Variants in AFF1 observed in about 807,000 individuals in gnomAD.
The protein encoded by AFF1 is ALF transcription elongation factor 1, also known as AF4/FMR2 family member 1.
Under a neutral mutation model 121.7 loss-of-function variants are expected in AFF1, and 48 were observed. The ratio of observed to expected loss-of-function variants is 0.39; its 90% confidence interval spans 0.31 to 0.50. The LOEUF is 0.50. Among genes scored for constraint, AFF1 ranks in the 20% least tolerant of loss-of-function variants. The pLI, the probability that AFF1 is intolerant of heterozygous loss-of-function variation, is 0.76. For missense variants in AFF1, 1,523 were observed against 1,511.7 expected (o/e 1.01, Z -0.12); for synonymous variants, 613 against 563.0 (o/e 1.09, Z -1.26).
chr4:87,052,182 A>AG (rs1192804182), intron 4 of AFF1, among the ~76,000 whole-genome samples: 1 of 152,124 alleles, frequency 6.6e-6, no homozygotes, highest in Non-Finnish European at 1.5e-5. Flanking sequence ...CCGAGGTGGG[A>AG]GGATCACTCC....
chr4:87,085,176 A>T (rs1211158696), intron 5 of AFF1, among the ~76,000 whole-genome samples: 1 of 152,202 alleles, frequency 6.6e-6, no homozygotes, highest in African/African-American at 2.4e-5. Context: ...TCCTTCTAGA[A>T]CTTAATTCCA....
chr4:87,070,320 G>T (rs1013884394), intron 4 of AFF1, among the ~76,000 whole-genome samples: 4 of 152,028 alleles, frequency 2.6e-5, no homozygotes, highest in Non-Finnish European at 4.4e-5. Context: ...TGTATTTTTA[G>T]TAGAGACTGG....
chr4:87,007,681 C>T (rs1726306858), intron 2 of AFF1, among the ~76,000 whole-genome samples: 1 of 152,140 alleles, frequency 6.6e-6, no homozygotes, highest in Non-Finnish European at 1.5e-5. Context: ...CTTCTTCCCC[C>T]AGAACTGTTA....
At chr4:87,014,644 C>T (rs1465088184) in intron 2 of AFF1, among the ~76,000 whole-genome samples, 1 of 152,170 alleles carries the variant, frequency 6.6e-6, no homozygotes, top group Non-Finnish European at 1.5e-5. Context: ...TGAAGCACAA[C>T]TTAAACTATG....
At chr4:87,073,985 G>A (rs1022110870) in intron 4 of AFF1, among the ~76,000 whole-genome samples, 7 of 150,732 alleles carry the variant, frequency 4.6e-5, no homozygotes, top group African/African-American at 1.5e-4. Context: ...GTGCACGTGC[G>A]TGTGTGCATG....
At chr4:87,047,732 T>A in intron 4 of AFF1, 138 bp downstream of exon 4, 1 of 1,148,928 alleles carries the variant, frequency 8.7e-7, no homozygotes, top group Non-Finnish European at 1.3e-6. Flanking sequence ...CTTTAGGATC[T>A]TGTTAATAAC....
intron 2 of AFF1, among the ~76,000 whole-genome samples, chr4:87,033,697 G>A (rs912501536): frequency 6.6e-6 from 1 of 152,186 alleles, no homozygotes; most frequent in Non-Finnish European, 1.5e-5. Flanking sequence ...TCTTCTTGAG[G>A]CAAGATGAAT....
At chr4:87,000,829 G>A (rs1037215081) in intron 2 of AFF1, among the ~76,000 whole-genome samples, 12 of 152,110 alleles carry the variant, frequency 7.9e-5, no homozygotes, top group African/African-American at 2.9e-4. Flanking sequence ...ATTGAGTGAA[G>A]AGGTAAAGTT....
intron 4 of AFF1, among the ~76,000 whole-genome samples, chr4:87,081,152 ATTTTTTTTTTTTT>A (rs549510832): frequency 6.7e-5 from 6 of 89,718 alleles, no homozygotes; most frequent in East Asian, 7.4e-4. Flanking sequence ...AATGAAATGA[ATTTTTTTTTTTTT>A]TTTTTTTTTT....
intron 2 of AFF1, among the ~76,000 whole-genome samples, chr4:87,044,895 T>C (rs1371802300): frequency 6.6e-6 from 1 of 151,898 alleles, no homozygotes; most frequent in Non-Finnish European, 1.5e-5. Context: ...CTGCGTCAGA[T>C]TATGGGGGAA....
chr4:87,125,797 T>G (rs1728178792), intron 13 of AFF1, among the ~76,000 whole-genome samples: 2 of 152,232 alleles, frequency 1.3e-5, no homozygotes, highest in African/African-American at 2.4e-5. Flanking sequence ...TCCACTCGTC[T>G]TCTTGTCAGG....
chr4:87,020,044 A>AT (rs969098119), intron 2 of AFF1, among the ~76,000 whole-genome samples: 5 of 152,212 alleles, frequency 3.3e-5, no homozygotes, highest in African/African-American at 1.2e-4. Context: ...AAAACACAGA[A>AT]TTTTTTGAAA....
rs1728238674 is a variant in AFF1 at position 87,126,281 on chromosome 4, T to C, written c.2756T>C (p.Ile919Thr). 1 of 1,613,878 alleles carries C rather than the reference T, an allele frequency of 6.2e-7. No homozygotes were observed. Among genetic ancestry groups the C allele is most frequent in the African/African-American group, 1.3e-5 (1 of 74,864 alleles). The change falls in exon 14 of 21, where the codon ATT becomes ACT. Residue 919 changes from isoleucine to threonine, a missense_variant. Physicochemically the swap from Ile to Thr is moderately conservative, Grantham distance 89. Coordinates refer to ENST00000395146, the MANE Select transcript of AFF1 (RefSeq NM_001166693.3). ...STKSNHKDSS[I>T]PKQRRVEGKG... ...AAGAGCAACCACAAAGACTCTTCCA[T>C]TCCCAAGCAGAGAAGAGTAGAGGGG...
At chr4:87,081,420 C>T (rs540650519) in intron 4 of AFF1, among the ~76,000 whole-genome samples, 3 of 152,234 alleles carry the variant, frequency 2.0e-5, no homozygotes, top group East Asian at 3.9e-4. Flanking sequence ...CCTCAGCCTC[C>T]CAAAGTGCTG....
At chr4:87,089,747 T>C (rs1724107142) in intron 5 of AFF1, among the ~76,000 whole-genome samples, 1 of 152,246 alleles carries the variant, frequency 6.6e-6, no homozygotes, top group African/African-American at 2.4e-5. Context: ...ATTCACGTTC[T>C]ATACCTTGAT....
chr4:87,116,141 TTAGTGTCTCATTGAG>T (rs1378988188), intron 12 of AFF1, among the ~76,000 whole-genome samples: 2 of 152,202 alleles, frequency 1.3e-5, no homozygotes, highest in Admixed American at 6.5e-5. Flanking sequence ...TAACATGTGG[TTAGTGTCTCATTGAG>T]TAATATAGGC....
intron 4 of AFF1, among the ~76,000 whole-genome samples, chr4:87,059,873 C>T (rs1402017317): frequency 3.3e-5 from 5 of 152,206 alleles, no homozygotes; most frequent in Admixed American, 6.5e-5. Flanking sequence ...TCAATTGTGT[C>T]TCATATGCTT....
At chr4:87,069,335 G>A (rs940938475) in intron 4 of AFF1, among the ~76,000 whole-genome samples, 1 of 120,732 alleles carries the variant, frequency 8.3e-6, no homozygotes, top group African/African-American at 3.3e-5. Context: ...AGATTTGCAT[G>A]GTTGTTAGTT....
chr4:87,115,034 C>G lies in AFF1; in HGVS notation c.2201C>G (p.Ala734Gly). The change falls in exon 12 of 21, where the codon GCC (alanine) becomes GGC (glycine). Residue 734 changes from alanine to glycine, a missense_variant. Ala to Gly is a moderately conservative substitution (Grantham distance 60, BLOSUM62 0). This residue lies in a region of AFF1 where 905 missense variants were observed against 842.5 expected (regional missense o/e 1.07). Coordinates refer to ENST00000395146, the MANE Select transcript of AFF1 (RefSeq NM_001166693.3). ...AGCAGGACTAGTGGCTGCCGCCAAG[C>G]CGTGGTGGTCCAGGAGGACAGCCGC... ...SGSRTSGCRQ[A>G]VVVQEDSRKD... The G allele has an allele frequency of 6.2e-7, 1 of 1,614,118 alleles. No individual in the cohort carries two copies. The highest frequency in any genetic ancestry group is 8.5e-7 in the Non-Finnish European group (1 of 1,180,020).
Sources: gnomAD v4.1 joint callset for allele counts (sites outside exome capture counted in the v4.1 genomes callset) on GRCh38, gnomAD v4.1.1 for gene constraint, gnomAD v4.1.1 regional missense constraint, MANE v1.5 for transcripts, NCBI Gene and HGNC (gene_info 2026-07-23, HGNC 2026-07-21) for gene names.